NATD1: variants seen among roughly 807,000 people sequenced by gnomAD.
The protein encoded by NATD1 is protein NATD1.
Under a neutral mutation model 12.0 loss-of-function variants are expected in NATD1, and 9 were observed. The ratio of observed to expected loss-of-function variants is 0.75; its 90% CI spans 0.45 to 1.30. The LOEUF (loss-of-function observed/expected upper bound fraction) is 1.30, where lower values mean the gene tolerates loss of function less well. Ranked by LOEUF, NATD1 falls within the 50% of genes most tolerant of loss-of-function variation. NATD1 has a pLI of 0.00. For missense variants in NATD1, 148 were observed against 148.5 expected, an observed-to-expected ratio of 1.00 and a Z score of 0.02; for synonymous variants, 71 against 65.9, an observed-to-expected ratio of 1.08 and a Z score of -0.37.
chr17:21,252,774 G>A (rs964754477), intron 1 of NATD1, among the ~76,000 whole-genome samples: 2 of 152,140 alleles, frequency 1.3e-5, no homozygotes, highest in African/African-American at 4.8e-5. Flanking sequence ...GTGCCCAACA[G>A]TCGTGAACAA....
Position 21,243,446 on chromosome 17 carries a change from G to C in NATD1, c.226-17C>G. The C allele has an allele frequency of 6.2e-7, 1 of 1,601,434 alleles. No homozygotes were observed. Among genetic ancestry groups the C allele is most frequent in the Non-Finnish European group, 8.5e-7 (1 of 1,172,032 alleles). ...CAGGGCGGCCTGGGAGCCGGGCAGA[G>C]AGGAGAGTGGTCAGGGCCTGCAGCC... On this transcript the variant is annotated splice_polypyrimidine_tract_variant and intron_variant, in intron 2 of 2. Coordinates refer to ENST00000611551, the MANE Select transcript of NATD1 (RefSeq NM_152914.3).
rs190368511 is a variant in NATD1, at chr17:21,240,609, C to G, written c.*2704G>C. 6.6e-6 allele frequency: 1 copy of G among 152,604 alleles called. No homozygotes were observed. Among genetic ancestry groups the G allele is most frequent in the Non-Finnish European group, 1.5e-5 (1 of 68,088 alleles). 9.5% of individuals were successfully genotyped at this position (152,604 alleles called of 1,614,324 possible). A position where few individuals can be genotyped will look rare whatever the true frequency, so the allele number is the denominator to read the frequency against. Reference sequence around the variant, plus strand: ...GCACGAGTCACTGCCTATTTTGACCCGGCAAGAAATACAAACCCACAGGGT... The same window carrying G: ...GCACGAGTCACTGCCTATTTTGACCGGGCAAGAAATACAAACCCACAGGGT... On this transcript the variant is annotated 3_prime_UTR_variant, in exon 3 of 3. Transcript: ENST00000611551.
intron 1 of NATD1, among the ~76,000 whole-genome samples, chr17:21,252,315 A>G (rs1220106647): frequency 6.6e-6 from 1 of 152,206 alleles, no homozygotes; most frequent in African/African-American, 2.4e-5. Flanking sequence ...ATCTCAAAAA[A>G]CAAAAACTTC....
At chr17:21,250,399 C>A (rs574559385) in intron 1 of NATD1, among the ~76,000 whole-genome samples, 1 of 152,324 alleles carries the variant, frequency 6.6e-6, no homozygotes, top group South Asian at 2.1e-4. Context: ...CCCAACACAG[C>A]CTCCCCTCTG....
chr17:21,250,721 C>T (rs940696638), intron 1 of NATD1, among the ~76,000 whole-genome samples: 1 of 152,170 alleles, frequency 6.6e-6, no homozygotes, highest in African/African-American at 2.4e-5. Context: ...GTGCCCAGGG[C>T]CTCCTAGAAC....
chr17:21,246,647 C>T (rs1355593243), intron 1 of NATD1, among the ~76,000 whole-genome samples: 2 of 151,946 alleles, frequency 1.3e-5, no homozygotes, highest in Non-Finnish European at 2.9e-5. Context: ...TGATTGTTAT[C>T]ACTGCATTCC....
chr17:21,244,046 G>A lies in NATD1; in HGVS notation c.225+60C>T. On this transcript the variant is annotated intron_variant, in intron 2 of 2. Transcript: ENST00000611551. This position sits in a 1 kb window ranked among gnomAD's most constrained non-coding sequence, Gnocchi z 5.2. Reference sequence around the variant, plus strand: ...CCACCAGGGCCACCGTCTCCTCGGAGCGAAGGTGGCAGCCCCCATGTCCCC... The same window carrying A: ...CCACCAGGGCCACCGTCTCCTCGGAACGAAGGTGGCAGCCCCCATGTCCCC... The A allele has an allele frequency of 6.8e-7, 1 of 1,474,168 alleles. No individual in the cohort carries two copies. Among genetic ancestry groups the A allele is most frequent in the Non-Finnish European group, 9.3e-7 (1 of 1,077,818 alleles). 91.3% of individuals were successfully genotyped at this position (1,474,168 alleles called of 1,614,324 possible). A position where few individuals can be genotyped will look rare whatever the true frequency, so the allele number is the denominator to read the frequency against.
rs931459408 is a variant in NATD1, at chr17:21,251,679, C to T, written c.106+1480G>A. 2.0e-4 allele frequency among the ~76,000 whole-genome samples: 30 copies of T among 152,316 alleles called. No individual in the cohort carries two copies. In the Middle Eastern group the frequency reaches 0.017, roughly 86 times the overall value. On this transcript the variant is annotated intron_variant, in intron 1 of 2. Transcript: ENST00000611551. ...CACGAAGCTGTAGTGGGGCCTGGCT[C>T]GACACTCGGCACATTCCAAATGGCA...
intron 1 of NATD1, among the ~76,000 whole-genome samples, chr17:21,248,863 C>T (rs1044944417): frequency 2.6e-5 from 4 of 152,262 alleles, no homozygotes; most frequent in East Asian, 1.9e-4. Flanking sequence ...TCCTGACACC[C>T]CTCTGCCCCA....
intron 1 of NATD1, among the ~76,000 whole-genome samples, chr17:21,252,958 G>A (rs939551664): frequency 5.3e-5 from 8 of 150,936 alleles, no homozygotes; most frequent in Admixed American, 2.6e-4. Flanking sequence ...CCCCCACCTG[G>A]CCCCGAGCAC....
chr17:21,243,025 C>T lies in NATD1; in HGVS notation c.*288G>A. On this transcript the variant is annotated 3_prime_UTR_variant, in exon 3 of 3. Transcript: ENST00000611551. ...TGGAGCCCGGTGGGCAGGATGCAGG[C>T]TGGCTCTAGCCCCTACGTGTGACCC... The T allele has an allele frequency of 3.3e-6, 1 of 298,878 alleles. No homozygotes were observed. Among genetic ancestry groups the T allele is most frequent in the Non-Finnish European group, 6.3e-6 (1 of 159,178 alleles). 18.5% of individuals were successfully genotyped at this position (298,878 alleles called of 1,614,324 possible).
rs1975251205 is a variant in NATD1 at position 21,239,920 on chromosome 17, T to A, written c.*3393A>T. 6.6e-6 allele frequency: 1 copy of A among 152,290 alleles called. No individual in the cohort carries two copies. The highest frequency in any genetic ancestry group is 2.1e-4 in the South Asian group (1 of 4,836). 9.4% of individuals were successfully genotyped at this position (152,290 alleles called of 1,614,324 possible). A position where few individuals can be genotyped will look rare whatever the true frequency, so the allele number is the denominator to read the frequency against. The stretch of plus-strand genomic sequence containing the variant: ...CCTCAGTAGCTGGGGCGGAATGAGA[T>A]ATGGCCCTGGGCCTGGTGCAAGATT... On this transcript the variant is annotated 3_prime_UTR_variant, in exon 3 of 3. Coordinates refer to ENST00000611551, the MANE Select transcript of NATD1 (RefSeq NM_152914.3).
At chr17:21,247,955 A>G (rs1355932739) in intron 1 of NATD1, among the ~76,000 whole-genome samples, 2 of 152,126 alleles carry the variant, frequency 1.3e-5, no homozygotes, top group Admixed American at 1.3e-4. Context: ...CTGGAATGAG[A>G]GTCACGGAGG....
At chr17:21,247,793 T>G (rs1007178) in intron 1 of NATD1, among the ~76,000 whole-genome samples, 115,818 of 152,182 alleles carry the variant, frequency 0.76, 44,294 homozygotes, top group Middle Eastern at 0.83. Flanking sequence ...GCCTAGAGGC[T>G]ATGCCTGTGT....
chr17:21,247,286 G>A (rs1975334024), intron 1 of NATD1, among the ~76,000 whole-genome samples: 1 of 152,216 alleles, frequency 6.6e-6, no homozygotes, highest in African/African-American at 2.4e-5. Context: ...GTCTTTGCCA[G>A]ACACACACTA....
In NATD1 at chr17:21,242,978, G is replaced by T; in HGVS notation, c.*335C>A. 4.5e-6 allele frequency: 1 copy of T among 224,512 alleles called. No individual in the cohort carries two copies. Among genetic ancestry groups the T allele is most frequent in the Non-Finnish European group, 8.8e-6 (1 of 113,576 alleles). The allele number at this position is 224,512 out of a possible 1,614,324, so 13.9% of individuals were successfully genotyped here. ...GAGGTGGCAGCAGGGGTCCCACACT[G>T]GCCCTCCTGCTGATCTCCAAGTGGA... On this transcript the variant is annotated 3_prime_UTR_variant, in exon 3 of 3. Transcript: ENST00000611551.
At chr17:21,243,749 C>T (rs959244998) in intron 2 of NATD1, among the ~76,000 whole-genome samples, 1 of 152,168 alleles carries the variant, frequency 6.6e-6, no homozygotes, top group Non-Finnish European at 1.5e-5. Context: ...CCAGCAGCAG[C>T]CCTCAGGGGA....
intron 1 of NATD1, among the ~76,000 whole-genome samples, chr17:21,248,319 T>A (rs969118848): frequency 2.0e-5 from 3 of 152,134 alleles, no homozygotes; most frequent in Non-Finnish European, 2.9e-5. Context: ...CCCAGGAAAA[T>A]GCCCAAGTCC....
chr17:21,239,328 A>G lies in NATD1; in HGVS notation c.*3985T>C, dbSNP rs770877893. 3 of 152,214 alleles carry G rather than the reference A, an allele frequency of 2.0e-5. No individual in the cohort carries two copies. Among genetic ancestry groups the G allele is most frequent in the Admixed American group, 6.5e-5 (1 of 15,272 alleles). 9.4% of individuals were successfully genotyped at this position (152,214 alleles called of 1,614,324 possible). A position where few individuals can be genotyped will look rare whatever the true frequency, so the allele number is the denominator to read the frequency against. On this transcript the variant is annotated 3_prime_UTR_variant, in exon 3 of 3. Transcript: ENST00000611551. Reference sequence around the variant, plus strand: ...CTGTCATGAGCAGACATAAGACCTCATATCACACAAGCTTGATGCCACCAA... The same window carrying G: ...CTGTCATGAGCAGACATAAGACCTCGTATCACACAAGCTTGATGCCACCAA...
Sources: gnomAD v4.1 joint callset for allele counts (sites outside exome capture counted in the v4.1 genomes callset) on GRCh38, gnomAD v4.1.1 for gene constraint, Gnocchi (gnomAD v3.1) non-coding constraint, MANE v1.5 for transcripts, NCBI Gene and HGNC (gene_info 2026-07-23, HGNC 2026-07-21) for gene names.